EIF4A2: variants seen among roughly 807,000 people sequenced by gnomAD.
EIF4A2 encodes the protein eukaryotic translation initiation factor 4A2.
EIF4A2 carries 9 observed loss-of-function variants against 50.6 expected under a neutral mutation model. That is an observed-to-expected ratio of 0.18 (90% CI 0.11 to 0.31). The LOEUF (loss-of-function observed/expected upper bound fraction) is 0.31. EIF4A2 is among the 10% of genes least tolerant of loss of function. EIF4A2 has a pLI of 1.00. For synonymous variants in EIF4A2, 215 were observed against 164.4 expected, an observed-to-expected ratio of 1.31 and a Z score of -2.35; for missense variants, 182 against 501.8, an observed-to-expected ratio of 0.36 and a Z score of 6.09.
chr3:186,783,680 A>G (rs755970139), intron 1 of EIF4A2, 41 bp downstream of exon 1: 7 of 1,614,030 alleles, frequency 4.3e-6, no homozygotes, highest in Non-Finnish European at 2.5e-6. Context: ...AGTGAAGGTC[A>G]TAGGGCGCCA....
rs1411181722 is a variant in EIF4A2 at position 186,789,848 on chromosome 3, CAT to C, written c.*580_*581del. 8 of 715,358 alleles carry C rather than the reference CAT, an allele frequency of 1.1e-5. No homozygotes were observed. The highest frequency in any genetic ancestry group is 2.7e-5 in the East Asian group (1 of 36,908). 44.3% of individuals were successfully genotyped at this position (715,358 alleles called of 1,614,324 possible). On this transcript the variant is annotated 3_prime_UTR_variant, in exon 11 of 11. Coordinates refer to ENST00000323963, the MANE Select transcript of EIF4A2 (RefSeq NM_001967.4). ...TCCCCAGTAAAATTGCCATATTGCA[CAT>C]GTCTTAATGAAGTTTGAATGTTAAA... is the stretch of plus-strand genomic sequence containing the variant.
intron 1 of EIF4A2, 58 bp downstream of exon 1, chr3:186,783,697 A>G: frequency 6.2e-7 from 1 of 1,613,166 alleles, no homozygotes; most frequent in African/African-American, 1.3e-5. Flanking sequence ...GCCAGGGGAG[A>G]TGATAGTGGA....
chr3:186,787,371 T>C, intron 8 of EIF4A2, 107 bp downstream of exon 8: 1 of 1,610,074 alleles, frequency 6.2e-7, no homozygotes, highest in South Asian at 1.1e-5. Flanking sequence ...ATAAAGTTGT[T>C]TCTTAACTAT....
intron 10 of EIF4A2, 41 bp downstream of exon 10, chr3:186,787,923 AC>A (rs746210139): frequency 9.0e-5 from 143 of 1,593,220 alleles, no homozygotes; most frequent in South Asian, 1.8e-4. Context: ...AAAAATTCAT[AC>A]GTTTTTCTAC....
At chr3:186,784,517 AGT>A (rs750924119) in intron 2 of EIF4A2, 40 bp downstream of exon 2, 4 of 1,613,914 alleles carry the variant, frequency 2.5e-6, no homozygotes, top group Middle Eastern at 1.6e-4. Context: ...TGGAAAGGTG[AGT>A]GTGTTCATCT....
At chr3:186,787,454 C>T (rs756105486) in intron 8 of EIF4A2, 41 bp from the exon 9 acceptor site, 41 of 1,611,684 alleles carry the variant, frequency 2.5e-5, no homozygotes, top group East Asian at 1.8e-4. Flanking sequence ...TAAATACCGA[C>T]CTGACTGGTG....
At chr3:186,785,485 C>T (rs1032687556) in intron 4 of EIF4A2, 1 of 300,250 alleles carries the variant, frequency 3.3e-6, no homozygotes, top group Non-Finnish European at 6.2e-6. Context: ...TGAAGTAAAC[C>T]TTCCTAATAA....
chr3:186,783,760 C>T (rs1001803516), intron 1 of EIF4A2, 121 bp downstream of exon 1: 33 of 1,455,066 alleles, frequency 2.3e-5, no homozygotes, highest in African/African-American at 1.1e-4. Flanking sequence ...GGGTACAGCA[C>T]TCCTGTGCCC....
chr3:186,784,517 A>AGT, intron 2 of EIF4A2, 40 bp downstream of exon 2: 1 of 1,614,026 alleles, frequency 6.2e-7, no homozygotes, highest in Non-Finnish European at 8.5e-7. Context: ...TGGAAAGGTG[A>AGT]GTGTGTTCAT....
chr3:186,786,698 T>C (rs752808710), intron 7 of EIF4A2, 53 bp downstream of exon 7: 1 of 1,611,248 alleles, frequency 6.2e-7, no homozygotes, highest in South Asian at 1.1e-5. Flanking sequence ...AGCACTGTGC[T>C]AAAATTGCAG....
intron 4 of EIF4A2, 58 bp from the exon 5 acceptor site, chr3:186,785,825 A>G: frequency 6.4e-7 from 1 of 1,551,916 alleles, no homozygotes; most frequent in Non-Finnish European, 8.7e-7. Context: ...TTTATGCTTT[A>G]AAAATTAGTC....
At chr3:186,784,890 T>C (rs1579157200) in intron 3 of EIF4A2, 72 bp from the exon 4 acceptor site, 1 of 1,612,428 alleles carries the variant, frequency 6.2e-7, no homozygotes, top group Non-Finnish European at 8.5e-7. Flanking sequence ...ATGTTCCAAA[T>C]GGAATACATG....
In EIF4A2 at chr3:186,786,674, T is replaced by C. The variant is rs890606179; in HGVS notation, c.771+29T>C. The stretch of plus-strand genomic sequence containing the variant: ...ACTGTCTGATTGTTAGACATTATTT[T>C]ACCTTCTTGTATAAGCACTGTGCTA... On this transcript the variant is annotated intron_variant, in intron 7 of 10. Coordinates refer to ENST00000323963, the MANE Select transcript of EIF4A2 (RefSeq NM_001967.4). 4 of 1,613,470 alleles carry C rather than the reference T, an allele frequency of 2.5e-6. No homozygotes were observed. The African/African-American group carries it at 5.3e-5, about 22-fold the overall frequency.
intron 6 of EIF4A2, 90 bp downstream of exon 6, chr3:186,786,363 C>G (rs1721707300): frequency 2.0e-6 from 3 of 1,508,982 alleles, no homozygotes; most frequent in Non-Finnish European, 2.7e-6. Context: ...GTTTTGTTGT[C>G]GTTCCCCCTG....
rs1418830995 is a variant in EIF4A2, at chr3:186,789,188, CAA to C, written c.1144_1145del (p.Lys382GlufsTer5). 7 of 1,613,586 alleles carry C rather than the reference CAA, an allele frequency of 4.3e-6. No homozygotes were observed. The highest frequency in any genetic ancestry group is 1.3e-5 in the African/African-American group (1 of 74,884). The stretch of plus-strand genomic sequence containing the variant: ...CTATAAACTTTGTTACTGAAGAAGA[CAA>C]GAGGATTCTTCGTGACATTGAGACT... ...VAINFVTEED[K>X]RILRDIETFY... On this transcript the variant is annotated frameshift_variant, in exon 11 of 11. Coordinates refer to ENST00000323963, the MANE Select transcript of EIF4A2 (RefSeq NM_001967.4). LOFTEE classifies it high-confidence loss of function.
intron 1 of EIF4A2, chr3:186,783,889 C>T (rs1721519075): frequency 5.2e-6 from 3 of 578,456 alleles, no homozygotes; most frequent in East Asian, 2.9e-5. Context: ...CGGCTGCTTT[C>T]CTTCCCAGTG....
chr3:186,787,688 ACCACACT>A, intron 9 of EIF4A2, 104 bp downstream of exon 9: 1 of 1,582,436 alleles, frequency 6.3e-7, no homozygotes, highest in Non-Finnish European at 8.7e-7. Flanking sequence ...AGAGTAAAAG[ACCACACT>A]CCACAGTGGG....
intron 7 of EIF4A2, 91 bp downstream of exon 7, chr3:186,786,736 A>G (rs1721738885): frequency 1.3e-6 from 2 of 1,546,888 alleles, no homozygotes; most frequent in South Asian, 1.1e-5. Flanking sequence ...TGGTTTTTGC[A>G]ATAATGCTAG....
At chr3:186,788,330 T>C in intron 10 of EIF4A2, 8 of 1,290,438 alleles carry the variant, frequency 6.2e-6, no homozygotes, top group Non-Finnish European at 8.1e-6. Context: ...CAGCAGTTGG[T>C]GACGAGATGG....
Sources: allele counts gnomAD v4.1 joint callset, GRCh38; gene constraint gnomAD v4.1.1; transcripts MANE v1.5; gene names NCBI Gene and HGNC (gene_info 2026-07-23, HGNC 2026-07-21).